Variants in PTPRN2 observed in about 807,000 individuals in gnomAD.
The protein encoded by PTPRN2 is protein tyrosine phosphatase receptor type N2, also known as receptor-type tyrosine-protein phosphatase N2.
PTPRN2 carries 74 observed loss-of-function variants against 118.8 expected under a neutral mutation model. The observed-to-expected ratio is 0.62, with a 90% CI of 0.52 to 0.76. The LOEUF is 0.76. Ranked by LOEUF, PTPRN2 falls within the 30% of genes least tolerant of loss-of-function variation. PTPRN2 has a pLI of 0.00. For missense variants in PTPRN2, 1,481 were observed against 1,394.4 expected (o/e 1.06, Z -0.99); for synonymous variants, 641 against 608.0 (o/e 1.05, Z -0.80).
intron 3 of PTPRN2, among the ~76,000 whole-genome samples, chr7:158,245,255 G>A (rs12698178): frequency 4.1e-5 from 2 of 48,250 alleles, no homozygotes; most frequent in African/African-American, 8.9e-5. Context: ...TGGTCATGCT[G>A]GAATCCACGG....
At chr7:158,149,301 C>G (rs534696931) in intron 6 of PTPRN2, among the ~76,000 whole-genome samples, 85 of 152,274 alleles carry the variant, frequency 5.6e-4, no homozygotes, top group African/African-American at 1.9e-3. Flanking sequence ...AAAGCAATGT[C>G]ATCAATGTGT....
At chr7:158,269,778 A>G (rs2150956080) in intron 3 of PTPRN2, among the ~76,000 whole-genome samples, 1 of 152,200 alleles carries the variant, frequency 6.6e-6, no homozygotes, top group Admixed American at 6.5e-5. Flanking sequence ...ACAGAGACAG[A>G]GAGAGAGACA....
chr7:157,703,919 T>G (rs1441084147), intron 12 of PTPRN2, among the ~76,000 whole-genome samples: 2 of 152,190 alleles, frequency 1.3e-5, no homozygotes, highest in East Asian at 3.9e-4. Flanking sequence ...GCAGCAAACA[T>G]TTTGAATGCG....
At chr7:157,878,809 G>T (rs1422618427) in intron 12 of PTPRN2, among the ~76,000 whole-genome samples, 1 of 88,810 alleles carries the variant, frequency 1.1e-5, no homozygotes, top group Admixed American at 1.3e-4. Flanking sequence ...CCGTGGGGCT[G>T]GAAGGGTCAG....
At chr7:158,315,371 ACCCGGGACC>A (rs1224358978) in intron 3 of PTPRN2, among the ~76,000 whole-genome samples, 2 of 150,006 alleles carry the variant, frequency 1.3e-5, no homozygotes, top group African/African-American at 5.0e-5. Flanking sequence ...ACAGAGGTGA[ACCCGGGACC>A]CCTTGAAGGA....
intron 9 of PTPRN2, among the ~76,000 whole-genome samples, chr7:158,133,146 G>A (rs1279481267): frequency 2.0e-5 from 3 of 152,200 alleles, no homozygotes; most frequent in African/African-American, 7.2e-5. Context: ...CCTTCTGAAG[G>A]GCGCCCACGC....
intron 3 of PTPRN2, among the ~76,000 whole-genome samples, chr7:158,233,861 A>T (rs1302461632): frequency 2.0e-5 from 3 of 152,222 alleles, no homozygotes; most frequent in African/African-American, 7.2e-5. Context: ...CCAAGAGCAG[A>T]TATTGGGGAA....
intron 3 of PTPRN2, among the ~76,000 whole-genome samples, chr7:158,283,334 G>A (rs1054715027): frequency 2.0e-5 from 3 of 152,282 alleles, no homozygotes; most frequent in East Asian, 1.9e-4. Context: ...AGCAGTGACC[G>A]AGCAGGCCCC....
At chr7:158,524,852 C>T (rs1824649913) in intron 1 of PTPRN2, among the ~76,000 whole-genome samples, 1 of 151,962 alleles carries the variant, frequency 6.6e-6, no homozygotes, top group Admixed American at 6.5e-5. Flanking sequence ...CCCTCAAATA[C>T]TGCATTTTTG....
intron 2 of PTPRN2, among the ~76,000 whole-genome samples, chr7:158,428,337 G>A (rs986314534): frequency 5.9e-5 from 9 of 152,194 alleles, no homozygotes; most frequent in African/African-American, 1.9e-4. Flanking sequence ...TGGCTCAGAA[G>A]ACGAGGGCGG....
At chr7:158,342,789 G>T (rs942939899) in intron 2 of PTPRN2, among the ~76,000 whole-genome samples, 1 of 152,164 alleles carries the variant, frequency 6.6e-6, no homozygotes, top group Non-Finnish European at 1.5e-5. Flanking sequence ...CTGACACTTA[G>T]CACCCATGAG....
chr7:157,554,026 C>T (rs1285227983), intron 21 of PTPRN2, among the ~76,000 whole-genome samples: 23 of 123,052 alleles, frequency 1.9e-4, no homozygotes, highest in East Asian at 5.0e-4. Context: ...GCGGCCAGGC[C>T]GGGCGCCGGA....
At chr7:158,122,972 C>T (rs959912258) in intron 9 of PTPRN2, among the ~76,000 whole-genome samples, 23 of 152,160 alleles carry the variant, frequency 1.5e-4, no homozygotes, top group African/African-American at 5.6e-4. Flanking sequence ...CCGCCATGAC[C>T]GACCCTCCTG....
At chr7:158,257,517 G>T (rs12698185) in intron 3 of PTPRN2, among the ~76,000 whole-genome samples, 25,326 of 152,152 alleles carry the variant, frequency 0.17, 2,355 homozygotes, top group East Asian at 0.25. Flanking sequence ...TTCCTTCTGG[G>T]GGGCCCTCAA....
At chr7:158,137,607 C>A (rs185853895) in intron 7 of PTPRN2, among the ~76,000 whole-genome samples, 2 of 152,050 alleles carry the variant, frequency 1.3e-5, no homozygotes, top group Non-Finnish European at 2.9e-5. Context: ...CAGGCCCTCC[C>A]GGGGTGCAGT....
chr7:157,893,230 G>C lies in PTPRN2; in HGVS notation c.1788+5443C>G, dbSNP rs1796907082. 6.6e-6 allele frequency among the ~76,000 whole-genome samples: 1 copy of C among 152,210 alleles called. No individual in the cohort carries two copies. Among genetic ancestry groups the C allele is most frequent in the Non-Finnish European group, 1.5e-5 (1 of 68,036 alleles). ...TAGCGTTTGGTAATTTTCTGTCCCA[G>C]GGATGACGGAGCCTCTGCCCCTGGG... is the stretch of plus-strand genomic sequence containing the variant. On this transcript the variant is annotated intron_variant, in intron 12 of 22. Transcript: ENST00000389418. The surrounding 1 kb of genome is among the most constrained non-coding windows in gnomAD (Gnocchi z 4.0).
intron 2 of PTPRN2, among the ~76,000 whole-genome samples, chr7:158,365,608 G>T (rs10239624): frequency 0.042 from 6,399 of 151,198 alleles, 446 homozygotes; most frequent in African/African-American, 0.15. Flanking sequence ...GCATGCACAC[G>T]CACACACACC....
chr7:158,145,877 T>C (rs552961862), intron 6 of PTPRN2, among the ~76,000 whole-genome samples: 2 of 152,342 alleles, frequency 1.3e-5, no homozygotes, highest in Admixed American at 6.5e-5. Flanking sequence ...TCCCGGAGTC[T>C]TGGCCCCAGC....
At chr7:158,275,188 C>T (rs1019761388) in intron 3 of PTPRN2, among the ~76,000 whole-genome samples, 9 of 151,832 alleles carry the variant, frequency 5.9e-5, no homozygotes, top group Admixed American at 1.3e-4. Flanking sequence ...GGGACAGCAC[C>T]GTGGCTGTGG....
Sources: gnomAD v4.1 joint callset for allele counts (sites outside exome capture counted in the v4.1 genomes callset) on GRCh38, gnomAD v4.1.1 for gene constraint, Gnocchi (gnomAD v3.1) non-coding constraint, MANE v1.5 for transcripts, NCBI Gene and HGNC (gene_info 2026-07-23, HGNC 2026-07-21) for gene names.